The following CTNNA3 variants were observed in gnomAD, a reference collection of about 807,000 sequenced individuals.
CTNNA3 encodes the protein catenin alpha 3.
In CTNNA3, 76 loss-of-function variants were observed where a neutral mutation model predicts 95.7. The observed-to-expected ratio is 0.79, with a 90% CI of 0.66 to 0.96. The LOEUF (loss-of-function observed/expected upper bound fraction) is 0.96. Ranked by LOEUF, CTNNA3 falls within the 40% of genes least tolerant of loss-of-function variation. CTNNA3 has a pLI of 0.00. For missense variants in CTNNA3, 1,191 were observed against 1,089.8 expected (o/e 1.09, Z -1.31); for synonymous variants, 431 against 374.4 (o/e 1.15, Z -1.74).
At chr10:67,213,894 C>T (rs1386540486) in intron 6 of CTNNA3, among the ~76,000 whole-genome samples, 2 of 151,732 alleles carry the variant, frequency 1.3e-5, no homozygotes, top group Non-Finnish European at 3.0e-5. Flanking sequence ...TGAATTTATC[C>T]TATCAGTAGA....
chr10:66,119,771 T>C (rs1008891482), intron 13 of CTNNA3, among the ~76,000 whole-genome samples: 1 of 152,152 alleles, frequency 6.6e-6, no homozygotes, highest in African/African-American at 2.4e-5. Context: ...TAAGCACTCA[T>C]TAATATGCCA....
At position 66,429,109 on chromosome 10, in the gene CTNNA3, G is replaced by T. The variant is rs190337802; in HGVS notation, c.1532-49757C>A. ...CCCACAGAAATACAAACTACCGTCA[G>T]AGAATACTGTAAACACCTCTACACA... On this transcript the variant is annotated intron_variant, in intron 11 of 17. Transcript: ENST00000433211. 3.8e-3 allele frequency among the ~76,000 whole-genome samples: 576 copies of T among 152,294 alleles called. 2 individuals are homozygous for T. Among genetic ancestry groups the T allele is most frequent in the South Asian group, 0.015 (72 of 4,828 alleles).
intron 9 of CTNNA3, among the ~76,000 whole-genome samples, chr10:66,651,450 A>G (rs1845893817): frequency 1.2e-5 from 1 of 80,648 alleles, no homozygotes; most frequent in Non-Finnish European, 2.2e-5. Context: ...TGCCAGTCCC[A>G]CACCAAGTGC....
chr10:67,303,991 C>T (rs969502473), intron 5 of CTNNA3, among the ~76,000 whole-genome samples: 3 of 152,140 alleles, frequency 2.0e-5, no homozygotes, highest in African/African-American at 7.2e-5. Context: ...GCATTTAATC[C>T]TATGTACCGT....
At chr10:67,447,786 A>G (rs1846812305) in intron 5 of CTNNA3, among the ~76,000 whole-genome samples, 1 of 152,182 alleles carries the variant, frequency 6.6e-6, no homozygotes, top group Non-Finnish European at 1.5e-5. Context: ...GTCTTCTCTG[A>G]CCAGGATAAA....
chr10:67,193,745 G>A (rs1863224450), intron 6 of CTNNA3, among the ~76,000 whole-genome samples: 1 of 152,004 alleles, frequency 6.6e-6, no homozygotes, highest in Non-Finnish European at 1.5e-5. Context: ...TATCATTGGT[G>A]GGCATTTAGT....
At chr10:67,365,802 G>A (rs1843192671) in intron 5 of CTNNA3, among the ~76,000 whole-genome samples, 1 of 152,194 alleles carries the variant, frequency 6.6e-6, no homozygotes, top group South Asian at 2.1e-4. Context: ...TTCAACTATT[G>A]TGGAAGACAG....
chr10:66,164,700 G>A (rs2085033195), intron 13 of CTNNA3, among the ~76,000 whole-genome samples: 1 of 152,036 alleles, frequency 6.6e-6, no homozygotes, highest in Non-Finnish European at 1.5e-5. Flanking sequence ...ATAAAAATAT[G>A]GTTGTGTTCT....
At chr10:65,971,320 A>G (rs1371857575) in intron 16 of CTNNA3, among the ~76,000 whole-genome samples, 1 of 151,622 alleles carries the variant, frequency 6.6e-6, no homozygotes, top group African/African-American at 2.4e-5. Context: ...AATTAGATGG[A>G]ACTGAAAGAA....
chr10:66,166,239 T>C (rs2085119635), intron 13 of CTNNA3, among the ~76,000 whole-genome samples: 1 of 151,952 alleles, frequency 6.6e-6, no homozygotes, highest in Non-Finnish European at 1.5e-5. Flanking sequence ...CCGGATCACC[T>C]GAGATCAGGA....
chr10:67,284,689 G>A (rs1839525049), intron 5 of CTNNA3, among the ~76,000 whole-genome samples: 1 of 152,080 alleles, frequency 6.6e-6, no homozygotes, highest in African/African-American at 2.4e-5. Flanking sequence ...GGTAATATTT[G>A]CACTTGGATC....
At chr10:66,747,272 C>T (rs1324039538) in intron 9 of CTNNA3, among the ~76,000 whole-genome samples, 5 of 152,114 alleles carry the variant, frequency 3.3e-5, no homozygotes, top group Non-Finnish European at 1.5e-5. Context: ...AGTCTGTTAA[C>T]AAGGTCAAAA....
Position 67,200,083 on chromosome 10 carries a change from A to G in CTNNA3, c.843+19524T>C, listed in dbSNP as rs144153980. On this transcript the variant is annotated intron_variant, in intron 6 of 17. Transcript: ENST00000433211. ...GAAGGAGTGCTTTATCTAGAGAGAC[A>G]AGCAGGGGCACATATCACAATAGCG... Among the ~76,000 whole-genome samples the G allele has an allele frequency of 1.6e-3, 241 of 152,302 alleles. 3 individuals are homozygous for G. The highest frequency in any genetic ancestry group is 5.6e-3 in the African/African-American group (232 of 41,580).
chr10:67,388,858 G>T (rs1844318131), intron 5 of CTNNA3, among the ~76,000 whole-genome samples: 1 of 152,116 alleles, frequency 6.6e-6, no homozygotes, highest in East Asian at 1.9e-4. Flanking sequence ...ACAAGCAAAT[G>T]CTGAGAGATT....
At chr10:67,229,471 A>G (rs1865086984) in intron 5 of CTNNA3, among the ~76,000 whole-genome samples, 1 of 152,218 alleles carries the variant, frequency 6.6e-6, no homozygotes, top group Admixed American at 6.5e-5. Flanking sequence ...TAGCCAGAGC[A>G]ATCAGACAAG....
At chr10:66,419,629 A>G (rs1254196714) in intron 11 of CTNNA3, among the ~76,000 whole-genome samples, 1 of 152,180 alleles carries the variant, frequency 6.6e-6, no homozygotes, top group East Asian at 1.9e-4. Flanking sequence ...ATACTACCTG[A>G]CTTCAAATTA....
chr10:67,548,605 G>GT (rs766416888), intron 3 of CTNNA3, among the ~76,000 whole-genome samples: 10 of 152,032 alleles, frequency 6.6e-5, no homozygotes, highest in Non-Finnish European at 1.5e-4. Flanking sequence ...AAACCTTTAC[G>GT]TTTATGGTAG....
intron 13 of CTNNA3, among the ~76,000 whole-genome samples, chr10:66,113,591 C>T (rs1462279188): frequency 6.6e-6 from 1 of 152,052 alleles, no homozygotes; most frequent in African/African-American, 2.4e-5. Flanking sequence ...AACACAGCTT[C>T]CTCAGTGGTA....
chr10:66,328,596 G>A (rs1223969194), intron 12 of CTNNA3, among the ~76,000 whole-genome samples: 1 of 151,704 alleles, frequency 6.6e-6, no homozygotes, highest in East Asian at 1.9e-4. Context: ...AAATCTCACG[G>A]TCCATTTTAT....
Sources: gnomAD v4.1 joint callset for allele counts (sites outside exome capture counted in the v4.1 genomes callset) on GRCh38, gnomAD v4.1.1 for gene constraint, MANE v1.5 for transcripts, NCBI Gene and HGNC (gene_info 2026-07-23, HGNC 2026-07-21) for gene names.